FAT3: variants seen among roughly 807,000 people sequenced by gnomAD.
FAT3 encodes protocadherin Fat 3.
In FAT3, 95 loss-of-function variants were observed where a neutral mutation model predicts 310.2. That is an observed-to-expected ratio of 0.31 (90% CI 0.26 to 0.36). The LOEUF is 0.36. FAT3 is among the 10% of genes least tolerant of loss of function. The probability of loss-of-function intolerance (pLI) is 1.00; values close to 1 mark genes in which losing one functional copy is unlikely to be tolerated. For missense variants in FAT3, 5,408 were observed against 5,715.6 expected, an observed-to-expected ratio of 0.95 and a Z score of 1.74; for synonymous variants, 2,314 against 2,192.9, an observed-to-expected ratio of 1.06 and a Z score of -1.54.
At chr11:92,473,306 T>TTG (rs371600982) in intron 2 of FAT3, among the ~76,000 whole-genome samples, 2 of 150,556 alleles carry the variant, frequency 1.3e-5, no homozygotes, top group Non-Finnish European at 2.9e-5. Flanking sequence ...GTGTTCTCAC[T>TTG]TGTGTGTGTG....
chr11:92,412,762 T>TATACAC (rs1950324237), intron 2 of FAT3, among the ~76,000 whole-genome samples: 1 of 132,534 alleles, frequency 7.5e-6, no homozygotes, highest in Admixed American at 8.0e-5. Context: ...CATACATATA[T>TATACAC]ATATATTTAA....
intron 2 of FAT3, among the ~76,000 whole-genome samples, chr11:92,509,830 C>T (rs1020096119): frequency 2.6e-5 from 4 of 152,186 alleles, no homozygotes; most frequent in African/African-American, 9.7e-5. Flanking sequence ...GCAACAAAGA[C>T]ACCAACAGTT....
intron 3 of FAT3, among the ~76,000 whole-genome samples, chr11:92,527,972 T>C (rs1565385816): frequency 1.3e-5 from 2 of 152,212 alleles, no homozygotes; most frequent in Non-Finnish European, 2.9e-5. Context: ...TGCTGTACAG[T>C]TGGAATTTTT....
chr11:92,820,374 C>T (rs1365262836), intron 13 of FAT3, among the ~76,000 whole-genome samples: 3 of 152,126 alleles, frequency 2.0e-5, no homozygotes, highest in African/African-American at 7.2e-5. Context: ...CACATTAGGA[C>T]CCCACCCTTA....
intron 4 of FAT3, among the ~76,000 whole-genome samples, chr11:92,752,879 A>G (rs577625932): frequency 6.6e-6 from 1 of 152,242 alleles, no homozygotes; most frequent in Non-Finnish European, 1.5e-5. Flanking sequence ...GGAAGCTGGT[A>G]TATGGGAAAA....
At chr11:92,345,472 T>C (rs992723478) in intron 1 of FAT3, among the ~76,000 whole-genome samples, 1 of 152,170 alleles carries the variant, frequency 6.6e-6, no homozygotes. Flanking sequence ...TCTTCAGAAC[T>C]TGTTAGAATT....
intron 2 of FAT3, among the ~76,000 whole-genome samples, chr11:92,401,461 G>A (rs541494656): frequency 6.6e-6 from 1 of 152,268 alleles, no homozygotes; most frequent in East Asian, 1.9e-4. Flanking sequence ...CGAGAATTTG[G>A]TCCAAAGAAA....
chr11:92,379,844 T>A (rs1416570057), intron 2 of FAT3, among the ~76,000 whole-genome samples: 2 of 152,170 alleles, frequency 1.3e-5, no homozygotes, highest in African/African-American at 4.8e-5. Context: ...GGTTTCTTCA[T>A]TCTATCCAAA....
intron 1 of FAT3, among the ~76,000 whole-genome samples, chr11:92,293,036 G>A (rs1946732315): frequency 8.1e-6 from 1 of 124,114 alleles, no homozygotes; most frequent in African/African-American, 3.2e-5. Context: ...AAGGAAGGAA[G>A]GAAGGAAGGA....
At chr11:92,269,624 G>T (rs1437042491) in intron 1 of FAT3, among the ~76,000 whole-genome samples, 3 of 152,042 alleles carry the variant, frequency 2.0e-5, no homozygotes. Context: ...CAAAAGAAAG[G>T]GTAATAATAA....
At chr11:92,700,267 C>T (rs1944059208) in intron 4 of FAT3, among the ~76,000 whole-genome samples, 1 of 151,974 alleles carries the variant, frequency 6.6e-6, no homozygotes, top group Non-Finnish European at 1.5e-5. Flanking sequence ...AGTGTAAAGG[C>T]AGAGTGGGGA....
At chr11:92,680,089 A>C (rs747013897) in intron 3 of FAT3, among the ~76,000 whole-genome samples, 1 of 151,334 alleles carries the variant, frequency 6.6e-6, no homozygotes, top group Non-Finnish European at 1.5e-5. Flanking sequence ...TTTGCTGTGC[A>C]GAAATTTTTT....
chr11:92,441,436 G>A (rs1327874974), intron 2 of FAT3, among the ~76,000 whole-genome samples: 1 of 152,166 alleles, frequency 6.6e-6, no homozygotes, highest in East Asian at 1.9e-4. Context: ...AGTAAATTGT[G>A]TCTGGAAGAT....
At chr11:92,679,963 T>G (rs1943426479) in intron 3 of FAT3, among the ~76,000 whole-genome samples, 2 of 152,036 alleles carry the variant, frequency 1.3e-5, no homozygotes, top group Admixed American at 1.3e-4. Context: ...ATGGGATTTT[T>G]TTGTTGCTGT....
At chr11:92,825,211 C>T (rs1948072474) in intron 13 of FAT3, among the ~76,000 whole-genome samples, 1 of 152,140 alleles carries the variant, frequency 6.6e-6, no homozygotes, top group Admixed American at 6.5e-5. Flanking sequence ...TTAGCAGGAA[C>T]GTATACTTGC....
chr11:92,874,106 T>C (rs1949463836), intron 22 of FAT3, among the ~76,000 whole-genome samples: 1 of 151,132 alleles, frequency 6.6e-6, no homozygotes, highest in Non-Finnish European at 1.5e-5. Context: ...ATTTCCTTAT[T>C]TGATATTCTC....
intron 2 of FAT3, among the ~76,000 whole-genome samples, chr11:92,463,219 C>G (rs1951678654): frequency 6.6e-6 from 1 of 152,190 alleles, no homozygotes; most frequent in Admixed American, 6.5e-5. Flanking sequence ...ATATCATGTT[C>G]CTTGACTATA....
intron 2 of FAT3, among the ~76,000 whole-genome samples, chr11:92,457,384 T>TCTGA (rs1454451340): frequency 6.6e-6 from 1 of 152,094 alleles, no homozygotes; most frequent in Non-Finnish European, 1.5e-5. Context: ...ACCTGTGAGT[T>TCTGA]CTGAGAAGGT....
intron 3 of FAT3, among the ~76,000 whole-genome samples, chr11:92,692,714 G>A (rs1393760391): frequency 6.6e-6 from 1 of 152,224 alleles, no homozygotes; most frequent in Non-Finnish European, 1.5e-5. Flanking sequence ...CAGACATGAA[G>A]AAGTGAGAAG....
Sources: gnomAD v4.1 joint callset for allele counts (sites outside exome capture counted in the v4.1 genomes callset) on GRCh38, gnomAD v4.1.1 for gene constraint, MANE v1.5 for transcripts, NCBI Gene and HGNC (gene_info 2026-07-23, HGNC 2026-07-21) for gene names.